The following EYS variants were observed in gnomAD, a reference collection of about 807,000 sequenced individuals.
The protein encoded by EYS is protein eyes shut homolog.
Under a neutral mutation model 282.1 loss-of-function variants are expected in EYS, and 250 were observed. The observed-to-expected ratio is 0.89, with a 90% confidence interval of 0.80 to 0.98. EYS has a LOEUF of 0.98. EYS is among the 50% of genes least tolerant of loss of function. EYS has a pLI of 0.00. For synonymous variants in EYS, 1,355 were observed against 1,282.9 expected, an observed-to-expected ratio of 1.06 and a Z score of -1.20; for missense variants, 4,016 against 3,709.0, an observed-to-expected ratio of 1.08 and a Z score of -2.15.
At chr6:64,256,987 C>A (rs1446786731) in intron 30 of EYS, among the ~76,000 whole-genome samples, 1 of 151,998 alleles carries the variant, frequency 6.6e-6, no homozygotes, top group Non-Finnish European at 1.5e-5. Context: ...TCTTGCAGGT[C>A]ATTTCCTTTC....
At chr6:64,380,896 T>A (rs976384737) in intron 29 of EYS, among the ~76,000 whole-genome samples, 2 of 151,648 alleles carry the variant, frequency 1.3e-5, no homozygotes, top group African/African-American at 4.9e-5. Context: ...GTACCTGTAA[T>A]CCCAGCCACT....
At chr6:65,255,376 T>A (rs1767432901) in intron 12 of EYS, among the ~76,000 whole-genome samples, 1 of 151,498 alleles carries the variant, frequency 6.6e-6, no homozygotes, top group East Asian at 1.9e-4. Flanking sequence ...AAAAAGTAAA[T>A]AAAAATAAAT....
chr6:65,334,444 G>GT (rs1037648583), intron 11 of EYS, among the ~76,000 whole-genome samples: 3 of 151,116 alleles, frequency 2.0e-5, no homozygotes, highest in African/African-American at 7.3e-5. Context: ...ATTTTTTTAA[G>GT]TTTTTTGTAG....
intron 2 of EYS, among the ~76,000 whole-genome samples, chr6:65,597,871 C>T (rs1765463543): frequency 1.3e-5 from 2 of 151,946 alleles, no homozygotes; most frequent in South Asian, 2.1e-4. Context: ...GAGGTCAAGG[C>T]GGGCAGATCA....
At chr6:64,390,408 A>G (rs553934528) in intron 28 of EYS, among the ~76,000 whole-genome samples, 4,703 of 152,142 alleles carry the variant, frequency 0.031, 227 homozygotes, top group African/African-American at 0.11. Flanking sequence ...TGGTTCTCCC[A>G]GCACGCAGCT....
chr6:64,919,894 G>T (rs1768283398), intron 15 of EYS, among the ~76,000 whole-genome samples: 1 of 152,044 alleles, frequency 6.6e-6, no homozygotes, highest in Admixed American at 6.6e-5. Context: ...GACAAGCAGA[G>T]GCAGATAATG....
chr6:65,056,659 A>G (rs1445442227), intron 13 of EYS, among the ~76,000 whole-genome samples: 3 of 152,092 alleles, frequency 2.0e-5, no homozygotes, highest in Non-Finnish European at 4.4e-5. Flanking sequence ...ATCTTTAAAG[A>G]TGTATGATTA....
chr6:65,213,861 G>A (rs1245949043), intron 12 of EYS, among the ~76,000 whole-genome samples: 2 of 151,980 alleles, frequency 1.3e-5, no homozygotes, highest in African/African-American at 4.8e-5. Context: ...GCATGGTGAG[G>A]AAGGGATACT....
intron 29 of EYS, among the ~76,000 whole-genome samples, chr6:64,330,595 TATC>T (rs1194933019): frequency 6.6e-6 from 1 of 152,166 alleles, no homozygotes; most frequent in African/African-American, 2.4e-5. Context: ...AGGGTCATGA[TATC>T]AGCCCATGGC....
At chr6:64,118,598 T>C (rs1046493106) in intron 31 of EYS, among the ~76,000 whole-genome samples, 6 of 152,174 alleles carry the variant, frequency 3.9e-5, no homozygotes, top group African/African-American at 1.4e-4. Flanking sequence ...TTAAAATAAG[T>C]TAAACACTTC....
At chr6:64,312,771 C>G (rs1769770631) in intron 29 of EYS, among the ~76,000 whole-genome samples, 1 of 152,194 alleles carries the variant, frequency 6.6e-6, no homozygotes, top group Non-Finnish European at 1.5e-5. Context: ...CAAACTCCAG[C>G]AGACCAGTAG....
chr6:63,991,501 G>A (rs1045390448), intron 34 of EYS, among the ~76,000 whole-genome samples: 1 of 151,578 alleles, frequency 6.6e-6, no homozygotes, highest in African/African-American at 2.4e-5. Context: ...TATCAAAAAA[G>A]AGAAAATATG....
At chr6:63,768,359 A>G (rs1769847811) in intron 40 of EYS, among the ~76,000 whole-genome samples, 1 of 152,074 alleles carries the variant, frequency 6.6e-6, no homozygotes, top group African/African-American at 2.4e-5. Flanking sequence ...ATCTATAAGG[A>G]ACTTAAACAA....
At chr6:64,403,109 T>G (rs994530487) in intron 28 of EYS, among the ~76,000 whole-genome samples, 2 of 152,090 alleles carry the variant, frequency 1.3e-5, no homozygotes, top group African/African-American at 4.8e-5. Flanking sequence ...AAGAACAATA[T>G]ATCCAATTAT....
chr6:64,000,168 CTTTTTTTTT>C (rs71551553), intron 33 of EYS, among the ~76,000 whole-genome samples: 1,347 of 42,658 alleles, frequency 0.032, 182 homozygotes, highest in Admixed American at 0.041. Context: ...AGACATGGGA[CTTTTTTTTT>C]TTTTTTTTTT....
intron 12 of EYS, among the ~76,000 whole-genome samples, chr6:65,153,471 T>G (rs1764665304): frequency 6.6e-6 from 1 of 151,632 alleles, no homozygotes; most frequent in South Asian, 2.1e-4. Flanking sequence ...ATTATGCCTA[T>G]CTTCAAACAT....
intron 11 of EYS, among the ~76,000 whole-genome samples, chr6:65,313,364 C>A (rs1419208896): frequency 6.6e-6 from 1 of 151,816 alleles, no homozygotes; most frequent in African/African-American, 2.4e-5. Context: ...GTGATTAACA[C>A]ATGCTTAAAG....
chr6:64,833,404 C>T (rs1765282342), intron 19 of EYS, among the ~76,000 whole-genome samples: 1 of 151,796 alleles, frequency 6.6e-6, no homozygotes, highest in African/African-American at 2.4e-5. Flanking sequence ...ACCGGCATGA[C>T]TAGTGTAAAA....
intron 12 of EYS, among the ~76,000 whole-genome samples, chr6:65,116,221 G>A (rs1397558680): frequency 1.3e-5 from 2 of 152,056 alleles, no homozygotes; most frequent in African/African-American, 2.4e-5. Context: ...TCTATAATAT[G>A]CCAAACATTC....
Sources: gnomAD v4.1 joint callset for allele counts (sites outside exome capture counted in the v4.1 genomes callset) on GRCh38, gnomAD v4.1.1 for gene constraint, MANE v1.5 for transcripts, NCBI Gene and HGNC (gene_info 2026-07-23, HGNC 2026-07-21) for gene names.